ABTB3: variants seen among roughly 807,000 people sequenced by gnomAD.
ABTB3 encodes ankyrin repeat and BTB domain containing 3, also known as ankyrin repeat- and BTB/POZ domain-containing protein 3.
the ABTB3 span, among the ~76,000 whole-genome samples, chr12:107,453,120 C>G: frequency 6.6e-6 from 1 of 152,090 alleles, no homozygotes; most frequent in Non-Finnish European, 1.5e-5. Context: ...CAGGAACGAG[C>G]TTACGGTACT....
chr12:107,544,279 C>T, the ABTB3 span: 2 of 874,990 alleles, frequency 2.3e-6, no homozygotes, highest in East Asian at 2.7e-5. Flanking sequence ...GGGAACCTTG[C>T]ACCCTGAGGG....
At chr12:107,472,449 G>A in the ABTB3 span, among the ~76,000 whole-genome samples, 9 of 152,142 alleles carry the variant, frequency 5.9e-5, no homozygotes, top group East Asian at 1.7e-3. Flanking sequence ...TGGACTCTGG[G>A]GCCAGACTCC....
chr12:107,461,084 G>A, the ABTB3 span, among the ~76,000 whole-genome samples: 4 of 152,128 alleles, frequency 2.6e-5, no homozygotes, highest in Non-Finnish European at 4.4e-5. Flanking sequence ...GCAAAGGCAC[G>A]TCCTACATGG....
chr12:107,521,200 T>C, the ABTB3 span, among the ~76,000 whole-genome samples: 1 of 151,906 alleles, frequency 6.6e-6, no homozygotes, highest in Non-Finnish European at 1.5e-5. Context: ...GATCAATAAA[T>C]GACAAGGGTG....
chr12:107,361,600 C>A, the ABTB3 span, among the ~76,000 whole-genome samples: 6 of 152,108 alleles, frequency 3.9e-5, no homozygotes, highest in Non-Finnish European at 7.4e-5. Flanking sequence ...GCTTTGATTG[C>A]CCCCCAGAAA....
the ABTB3 span, among the ~76,000 whole-genome samples, chr12:107,374,435 C>A: frequency 2.0e-5 from 3 of 152,184 alleles, no homozygotes; most frequent in Non-Finnish European, 2.9e-5. Context: ...CAGGCTGGGA[C>A]CCTCCCACAC....
At chr12:107,430,846 G>C in the ABTB3 span, among the ~76,000 whole-genome samples, 1 of 152,168 alleles carries the variant, frequency 6.6e-6, no homozygotes, top group Non-Finnish European at 1.5e-5. Context: ...CATCTCCTTT[G>C]ATCAGTATGA....
At chr12:107,318,866 C>T in the ABTB3 span, 7 of 1,468,448 alleles carry the variant, frequency 4.8e-6, no homozygotes, top group Non-Finnish European at 5.5e-6. Context: ...TCTCCCCGCG[C>T]CCCGCGGCAC....
the ABTB3 span, among the ~76,000 whole-genome samples, chr12:107,552,422 C>A: frequency 6.6e-6 from 1 of 152,182 alleles, no homozygotes. Flanking sequence ...CCGTATCCAG[C>A]GATAAGCACT....
At chr12:107,378,898 T>A in the ABTB3 span, among the ~76,000 whole-genome samples, 1 of 152,202 alleles carries the variant, frequency 6.6e-6, no homozygotes, top group East Asian at 1.9e-4. Flanking sequence ...TCTGCCTGCA[T>A]CTGATGTGAG....
At chr12:107,469,122 G>A in the ABTB3 span, among the ~76,000 whole-genome samples, 5 of 152,154 alleles carry the variant, frequency 3.3e-5, no homozygotes, top group East Asian at 1.9e-4. Context: ...CACAGACCCC[G>A]GCATGAGACA....
chr12:107,539,814 G>A, the ABTB3 span, among the ~76,000 whole-genome samples: 7 of 152,176 alleles, frequency 4.6e-5, no homozygotes, highest in South Asian at 2.1e-4. Flanking sequence ...TAAGTGACTC[G>A]CCTGTGTTTA....
chr12:107,498,757 G>T, the ABTB3 span, among the ~76,000 whole-genome samples: 1 of 152,068 alleles, frequency 6.6e-6, no homozygotes, highest in Non-Finnish European at 1.5e-5. Context: ...AATGTCAGAT[G>T]ATTAGCAGTC....
At chr12:107,339,120 G>A in the ABTB3 span, among the ~76,000 whole-genome samples, 8 of 152,206 alleles carry the variant, frequency 5.3e-5, no homozygotes, top group South Asian at 1.0e-3. Context: ...TCTGCAGGTC[G>A]GATAACCCCT....
the ABTB3 span, among the ~76,000 whole-genome samples, chr12:107,446,110 C>G: frequency 6.6e-6 from 1 of 152,192 alleles, no homozygotes; most frequent in Admixed American, 6.5e-5. Flanking sequence ...TTAGGGGGCC[C>G]TTATTCTGTC....
chr12:107,368,261 A>C, the ABTB3 span, among the ~76,000 whole-genome samples: 1 of 152,230 alleles, frequency 6.6e-6, no homozygotes, highest in African/African-American at 2.4e-5. Flanking sequence ...AGCAAATCAC[A>C]CACTGGCTCT....
chr12:107,606,513 C>A, the ABTB3 span, among the ~76,000 whole-genome samples: 1 of 152,116 alleles, frequency 6.6e-6, no homozygotes, highest in Non-Finnish European at 1.5e-5. Flanking sequence ...TAGTGTGGGG[C>A]CCAGCATACC....
At chr12:107,373,755 C>T in the ABTB3 span, among the ~76,000 whole-genome samples, 2 of 152,226 alleles carry the variant, frequency 1.3e-5, no homozygotes, top group Non-Finnish European at 2.9e-5. Flanking sequence ...GCCCAGGTGT[C>T]TGGGCTGTGG....
At chr12:107,564,324 T>G in the ABTB3 span, among the ~76,000 whole-genome samples, 5 of 152,186 alleles carry the variant, frequency 3.3e-5, no homozygotes, top group Non-Finnish European at 7.3e-5. Flanking sequence ...GACTCACTCA[T>G]GTGGAACAGA....
Sources: allele counts gnomAD v4.1 joint callset (sites outside exome capture counted in the v4.1 genomes callset), GRCh38; gene constraint gnomAD v4.1.1; transcripts MANE v1.5; gene names NCBI Gene and HGNC (gene_info 2026-07-23, HGNC 2026-07-21).